The following CLEC19A variants were observed in gnomAD, a reference collection of about 807,000 sequenced individuals.
CLEC19A encodes C-type lectin domain family 19 member A.
Under a neutral mutation model 26.1 loss-of-function variants are expected in CLEC19A, and 21 were observed. The observed-to-expected ratio is 0.80, with a 90% confidence interval of 0.57 to 1.16. The LOEUF (loss-of-function observed/expected upper bound fraction) is 1.16, where lower values mean the gene tolerates loss of function less well. Ranked by LOEUF, CLEC19A falls within the 50% of genes most tolerant of loss-of-function variation. The probability of loss-of-function intolerance (pLI) is 0.00; values close to 1 mark genes in which losing one functional copy is unlikely to be tolerated. For synonymous variants in CLEC19A, 89 were observed against 88.6 expected (o/e 1.00, Z -0.03); for missense variants, 224 against 227.6 (o/e 0.98, Z 0.10).
intron 2 of CLEC19A, among the ~76,000 whole-genome samples, chr16:19,301,740 T>TTG (rs1897831529): frequency 1.1e-5 from 1 of 94,832 alleles, no homozygotes; most frequent in Admixed American, 1.1e-4. Context: ...TTTTTGGTTT[T>TTG]TTTTTTTTTT....
chr16:19,300,195 G>A (rs1055421163), intron 2 of CLEC19A, among the ~76,000 whole-genome samples: 1 of 151,922 alleles, frequency 6.6e-6, no homozygotes, highest in Non-Finnish European at 1.5e-5. Context: ...CTATACTCCA[G>A]CCTGGGTGAT....
chr16:19,301,877 C>T lies in CLEC19A; in HGVS notation c.255-2185C>T, dbSNP rs376005132. On this transcript the variant is annotated intron_variant, in intron 2 of 4. Coordinates refer to ENST00000636231, the MANE Select transcript of CLEC19A (RefSeq NM_001256720.2). The stretch of plus-strand genomic sequence containing the variant: ...AAGTGCTGGGATTATAGGCATGAGC[C>T]ACCGCGCCCGGCCTCACACTGATCT... Among the ~76,000 whole-genome samples, 53 of 151,212 alleles carry T rather than the reference C, an allele frequency of 3.5e-4. No individual in the cohort carries two copies. In the East Asian group the frequency reaches 3.9e-3, roughly 11 times the overall value.
Position 19,285,845 on chromosome 16 carries a change from G to C in CLEC19A, c.-7G>C. 1 of 1,550,376 alleles carries C rather than the reference G, an allele frequency of 6.5e-7. No individual in the cohort carries two copies. The highest frequency in any genetic ancestry group is 8.7e-7 in the Non-Finnish European group (1 of 1,146,910). The stretch of plus-strand genomic sequence containing the variant: ...CAGGCTGGGAGGTTGCTTTCTAGGA[G>C]CTCAGGATGCAAAGGTGGACACTGT... On this transcript the variant is annotated 5_prime_UTR_variant, in exon 1 of 5. Coordinates refer to ENST00000636231, the MANE Select transcript of CLEC19A (RefSeq NM_001256720.2).
chr16:19,295,361 C>G (rs1224169617), intron 1 of CLEC19A, among the ~76,000 whole-genome samples: 1 of 152,126 alleles, frequency 6.6e-6, no homozygotes, highest in Non-Finnish European at 1.5e-5. Flanking sequence ...CTCCACCACT[C>G]TCGGCTAATT....
At chr16:19,287,178 A>G (rs1377922029) in intron 1 of CLEC19A, among the ~76,000 whole-genome samples, 1 of 152,168 alleles carries the variant, frequency 6.6e-6, no homozygotes, top group Non-Finnish European at 1.5e-5. Flanking sequence ...AGCTTAAGCA[A>G]CAAACATTTA....
chr16:19,295,106 C>T (rs139203922), intron 1 of CLEC19A, among the ~76,000 whole-genome samples: 128 of 152,190 alleles, frequency 8.4e-4, no homozygotes, highest in Non-Finnish European at 1.6e-3. Context: ...TGGCAAGGGG[C>T]GGCGATAAAA....
chr16:19,308,484 A>G (rs1229478960), intron 4 of CLEC19A, among the ~76,000 whole-genome samples: 2 of 152,258 alleles, frequency 1.3e-5, no homozygotes, highest in African/African-American at 2.4e-5. Context: ...ATTAGCAATC[A>G]CCAGCATCAT....
rs1171248968 is a variant in CLEC19A at position 19,301,736 on chromosome 16, G to GTTTTTTTTTTTTTTTTT, written c.255-2314_255-2298dup. On this transcript the variant is annotated intron_variant, in intron 2 of 4. Coordinates refer to ENST00000636231, the MANE Select transcript of CLEC19A (RefSeq NM_001256720.2). Reference sequence around the variant, plus strand: ...ATGACACCATGCCCAGGTTTTTTTGGTTTTTTTTTTTTTTTTTTTTTTTTT... The same window carrying GTTTTTTTTTTTTTTTTT: ...ATGACACCATGCCCAGGTTTTTTTGGTTTTTTTTTTTTTTTTTTTTTTTTTTTTTTTTTTTTTTTTTT... 9.2e-4 allele frequency among the ~76,000 whole-genome samples: 75 copies of GTTTTTTTTTTTTTTTTT among 81,470 alleles called. 4 individuals carry two copies. Among genetic ancestry groups the GTTTTTTTTTTTTTTTTT allele is most frequent in the Middle Eastern group, 8.6e-3 (1 of 116 alleles). 53.4% of individuals were successfully genotyped at this position (81,470 alleles called of 152,430 possible). A position where few individuals can be genotyped will look rare whatever the true frequency, so the allele number is the denominator to read the frequency against.
chr16:19,305,219 A>G (rs1897925966), intron 3 of CLEC19A: 1 of 152,292 alleles, frequency 6.6e-6, no homozygotes, highest in South Asian at 2.1e-4. Flanking sequence ...AGCCCTCCTT[A>G]GTAAGAGATA....
chr16:19,298,556 AC>A, intron 1 of CLEC19A, 116 bp from the exon 2 acceptor site: 11 of 1,084,648 alleles, frequency 1.0e-5, no homozygotes, highest in African/African-American at 1.6e-5. Context: ...ACAGAACGAG[AC>A]CCTGTCTCTT....
intron 2 of CLEC19A, among the ~76,000 whole-genome samples, chr16:19,302,101 C>T (rs1897848351): frequency 6.6e-6 from 1 of 152,102 alleles, no homozygotes; most frequent in African/African-American, 2.4e-5. Flanking sequence ...TCTCACTCTT[C>T]CACTTTCCTT....
At chr16:19,299,808 A>T (rs1567254693) in intron 2 of CLEC19A, among the ~76,000 whole-genome samples, 1 of 152,122 alleles carries the variant, frequency 6.6e-6, no homozygotes. Flanking sequence ...GCCAGGTGTG[A>T]TGTGTTCCAT....
intron 2 of CLEC19A, among the ~76,000 whole-genome samples, chr16:19,301,727 GTTTTTTTGGTTTTTTTTTTTT>G (rs1175826999): frequency 3.5e-5 from 1 of 28,556 alleles, no homozygotes; most frequent in Non-Finnish European, 8.2e-5. Context: ...CCATGCCCAG[GTTTTTTTGGTTTTTTTTTTTT>G]TTTTTTTTTT....
At chr16:19,308,783 C>A (rs1166306466) in intron 4 of CLEC19A, among the ~76,000 whole-genome samples, 3 of 152,176 alleles carry the variant, frequency 2.0e-5, no homozygotes, top group Admixed American at 2.0e-4. Context: ...TTGGGCCAAG[C>A]CTCTGGCTGA....
At chr16:19,286,554 G>A (rs1022276982) in intron 1 of CLEC19A, among the ~76,000 whole-genome samples, 1 of 152,216 alleles carries the variant, frequency 6.6e-6, no homozygotes, top group Non-Finnish European at 1.5e-5. Flanking sequence ...CCCATATGGA[G>A]GGTGAGGGTC....
intron 3 of CLEC19A, 200 bp downstream of exon 3, chr16:19,304,355 G>A: frequency 4.9e-6 from 2 of 404,500 alleles, no homozygotes; most frequent in South Asian, 3.5e-5. Context: ...GATGGGAACA[G>A]ATAGCATGGT....
chr16:19,286,320 T>A (rs1698879293), intron 1 of CLEC19A, among the ~76,000 whole-genome samples: 1 of 152,206 alleles, frequency 6.6e-6, no homozygotes, highest in Non-Finnish European at 1.5e-5. Context: ...AACATGGTAG[T>A]TTTGTGAGGG....
intron 3 of CLEC19A, among the ~76,000 whole-genome samples, chr16:19,305,716 G>A (rs966425439): frequency 4.0e-4 from 61 of 152,358 alleles, no homozygotes; most frequent in African/African-American, 1.5e-3. Context: ...GCTAATGCAT[G>A]TAAAGAGCTT....
In CLEC19A at chr16:19,298,778, A is replaced by C; in HGVS notation, c.194A>C (p.Asp65Ala). Reference protein sequence around the residue: ...FPLNKTWAEADLYCSEFSVGR... With the variant: ...FPLNKTWAEAALYCSEFSVGR... ...CTCAATAAGACCTGGGCTGAGGCCGACCTCTACTGTTCTGAGTTCTCTGTG... is the reference window on the plus strand; with the variant it reads ...CTCAATAAGACCTGGGCTGAGGCCGCCCTCTACTGTTCTGAGTTCTCTGTG... The change falls in exon 2 of 5, where the codon GAC becomes GCC. Residue 65 changes from aspartate to alanine, a missense_variant. Transcript: ENST00000636231. The C allele has an allele frequency of 1.3e-6, 2 of 1,549,104 alleles. No individual in the cohort carries two copies. The highest frequency in any genetic ancestry group is 2.4e-5 in the East Asian group (1 of 40,842).
Sources: allele counts gnomAD v4.1 joint callset (sites outside exome capture counted in the v4.1 genomes callset), GRCh38; gene constraint gnomAD v4.1.1; transcripts MANE v1.5; gene names NCBI Gene and HGNC (gene_info 2026-07-23, HGNC 2026-07-21).